Variants in SLC4A10 observed in about 807,000 individuals in gnomAD.
SLC4A10 encodes the protein sodium-driven chloride bicarbonate exchanger.
A neutral mutation model predicts 137.7 loss-of-function variants in SLC4A10; 42 were observed. That is an observed-to-expected ratio of 0.30 (90% CI 0.24 to 0.39). SLC4A10 has a LOEUF of 0.39. Among genes scored for constraint, SLC4A10 ranks in the 10% least tolerant of loss-of-function variants. The pLI, the probability that SLC4A10 is intolerant of heterozygous loss-of-function variation, is 1.00. For missense variants in SLC4A10, 925 were observed against 1,355.0 expected, an observed-to-expected ratio of 0.68 and a Z score of 4.98; for synonymous variants, 474 against 464.1, an observed-to-expected ratio of 1.02 and a Z score of -0.27.
At chr2:161,629,783 A>G (rs2033174956) in intron 1 of SLC4A10, among the ~76,000 whole-genome samples, 1 of 151,826 alleles carries the variant, frequency 6.6e-6, no homozygotes, top group Non-Finnish European at 1.5e-5. Flanking sequence ...AGAGTATTAT[A>G]TAGTTGGAAT....
chr2:161,653,554 T>C (rs547371539), intron 1 of SLC4A10, among the ~76,000 whole-genome samples: 10 of 152,360 alleles, frequency 6.6e-5, no homozygotes, highest in African/African-American at 2.2e-4. Context: ...TGGCATGAGA[T>C]GGTATTTCAT....
intron 15 of SLC4A10, among the ~76,000 whole-genome samples, chr2:161,933,509 C>T (rs552466320): frequency 6.6e-6 from 1 of 151,998 alleles, no homozygotes; most frequent in Non-Finnish European, 1.5e-5. Flanking sequence ...ACTTCTGCCT[C>T]AGCCTCCCGA....
chr2:161,927,685 A>G (rs1261196249), intron 15 of SLC4A10, among the ~76,000 whole-genome samples: 2 of 152,192 alleles, frequency 1.3e-5, no homozygotes, highest in African/African-American at 2.4e-5. Flanking sequence ...GAAAAAAACA[A>G]ACAACCCCAT....
At chr2:161,663,703 A>C (rs2038716986) in intron 1 of SLC4A10, among the ~76,000 whole-genome samples, 1 of 152,072 alleles carries the variant, frequency 6.6e-6, no homozygotes, top group Non-Finnish European at 1.5e-5. Flanking sequence ...ATATGATTAC[A>C]TATCTGTGTT....
chr2:161,692,330 A>T (rs2042084290), intron 1 of SLC4A10, among the ~76,000 whole-genome samples: 2 of 152,086 alleles, frequency 1.3e-5, no homozygotes, highest in African/African-American at 4.8e-5. Context: ...ATGTTGTAAT[A>T]CATTTTTCTA....
At chr2:161,646,504 A>G (rs1237158128) in intron 1 of SLC4A10, among the ~76,000 whole-genome samples, 4 of 152,024 alleles carry the variant, frequency 2.6e-5, no homozygotes, top group Non-Finnish European at 5.9e-5. Context: ...GAAGCAGAAA[A>G]TAATAGGCTA....
rs553610309 is a variant in SLC4A10, at chr2:161,677,366, C to G, written c.48+52800C>G. ...ATAAACCTGTTTTCTTTACAAATCACCCAGCCTCAGGTATTCTTTTATAGC... is the reference window on the plus strand; with the variant it reads ...ATAAACCTGTTTTCTTTACAAATCAGCCAGCCTCAGGTATTCTTTTATAGC... On this transcript the variant is annotated intron_variant, in intron 1 of 26. Transcript: ENST00000446997. Among the ~76,000 whole-genome samples the G allele has an allele frequency of 2.4e-4, 36 of 152,286 alleles. 2 individuals are homozygous for G. In the South Asian group the frequency reaches 5.8e-3, roughly 25 times the overall value.
intron 1 of SLC4A10, among the ~76,000 whole-genome samples, chr2:161,729,228 A>G (rs978373124): frequency 5.3e-5 from 8 of 152,008 alleles, no homozygotes; most frequent in Non-Finnish European, 7.4e-5. Context: ...AAAACCATGA[A>G]GTTTGGAAAG....
intron 21 of SLC4A10, among the ~76,000 whole-genome samples, chr2:161,962,181 C>A (rs766002170): frequency 6.6e-6 from 1 of 152,160 alleles, no homozygotes; most frequent in Non-Finnish European, 1.5e-5. Flanking sequence ...AACTTATTAT[C>A]TGGGCTTCTC....
At chr2:161,959,947 A>G (rs1696340175) in intron 21 of SLC4A10, among the ~76,000 whole-genome samples, 1 of 152,194 alleles carries the variant, frequency 6.6e-6, no homozygotes, top group Non-Finnish European at 1.5e-5. Flanking sequence ...GTCCACCTGG[A>G]GTCTCAAAAT....
chr2:161,896,133 G>A (rs2063473470), intron 11 of SLC4A10, among the ~76,000 whole-genome samples: 2 of 151,988 alleles, frequency 1.3e-5, no homozygotes, highest in African/African-American at 4.8e-5. Context: ...TCTACATATG[G>A]CTAGCCAGTT....
chr2:161,855,775 AT>A (rs1211625342), intron 5 of SLC4A10, among the ~76,000 whole-genome samples: 1 of 152,154 alleles, frequency 6.6e-6, no homozygotes, highest in African/African-American at 2.4e-5. Flanking sequence ...TAAAAACAAA[AT>A]AATACAAAAA....
At chr2:161,914,502 T>C (rs1208811909) in intron 15 of SLC4A10, among the ~76,000 whole-genome samples, 1 of 152,164 alleles carries the variant, frequency 6.6e-6, no homozygotes, top group African/African-American at 2.4e-5. Flanking sequence ...CTCCCCCTAC[T>C]ATAATATATC....
chr2:161,678,959 C>T (rs1203085083), intron 1 of SLC4A10, among the ~76,000 whole-genome samples: 1 of 152,052 alleles, frequency 6.6e-6, no homozygotes, highest in Non-Finnish European at 1.5e-5. Context: ...CATGTGAAGA[C>T]TTTCTTTTGG....
At chr2:161,795,558 T>G (rs1322258885) in intron 2 of SLC4A10, among the ~76,000 whole-genome samples, 1 of 152,074 alleles carries the variant, frequency 6.6e-6, no homozygotes, top group Non-Finnish European at 1.5e-5. Context: ...TTTTTATTAT[T>G]ATTAGTATGT....
At chr2:161,943,327 C>A (rs1189515300) in intron 16 of SLC4A10, among the ~76,000 whole-genome samples, 1 of 152,024 alleles carries the variant, frequency 6.6e-6, no homozygotes, top group Non-Finnish European at 1.5e-5. Flanking sequence ...ATACTAAAGT[C>A]TTTGGGAGGA....
intron 12 of SLC4A10, among the ~76,000 whole-genome samples, chr2:161,903,059 G>A (rs75538338): frequency 0.015 from 2,287 of 152,108 alleles, 54 homozygotes; most frequent in African/African-American, 0.052. Flanking sequence ...GTAGCCAAAT[G>A]TTAAGTCTGC....
At chr2:161,778,199 C>G (rs549952108) in intron 2 of SLC4A10, among the ~76,000 whole-genome samples, 7 of 152,026 alleles carry the variant, frequency 4.6e-5, no homozygotes, top group African/African-American at 1.4e-4. Flanking sequence ...AACACCTTCT[C>G]ATATCCTTCA....
intron 3 of SLC4A10, among the ~76,000 whole-genome samples, chr2:161,807,979 A>G (rs925403779): frequency 6.6e-6 from 1 of 152,076 alleles, no homozygotes; most frequent in African/African-American, 2.4e-5. Flanking sequence ...GATGTTAAGA[A>G]AGGAGATAAA....
Sources: allele counts gnomAD v4.1 joint callset (sites outside exome capture counted in the v4.1 genomes callset), GRCh38; gene constraint gnomAD v4.1.1; transcripts MANE v1.5; gene names NCBI Gene and HGNC (gene_info 2026-07-23, HGNC 2026-07-21).